RAP1GDS1: variants seen among roughly 807,000 people sequenced by gnomAD.
RAP1GDS1 encodes the protein RAP1, GTP-GDP dissociation stimulator 1.
A neutral mutation model predicts 71.1 loss-of-function variants in RAP1GDS1; 35 were observed. The observed-to-expected ratio is 0.49, with a 90% CI of 0.38 to 0.65. The LOEUF (loss-of-function observed/expected upper bound fraction) is 0.65, where lower values mean the gene tolerates loss of function less well. Ranked by LOEUF, RAP1GDS1 falls within the 30% of genes least tolerant of loss-of-function variation. RAP1GDS1 has a pLI of 0.00. For synonymous variants in RAP1GDS1, 229 were observed against 243.1 expected (o/e 0.94, Z 0.54); for missense variants, 663 against 706.1 (o/e 0.94, Z 0.69).
At chr4:98,320,468 C>T (rs970934091) in intron 2 of RAP1GDS1, among the ~76,000 whole-genome samples, 4 of 152,186 alleles carry the variant, frequency 2.6e-5, no homozygotes, top group Non-Finnish European at 2.9e-5. Context: ...GGAACAGCTC[C>T]GGTCTACAGC....
At chr4:98,349,381 A>T (rs1736797037) in intron 3 of RAP1GDS1, among the ~76,000 whole-genome samples, 2 of 152,226 alleles carry the variant, frequency 1.3e-5, no homozygotes, top group Non-Finnish European at 2.9e-5. Context: ...CTTGTAGTAT[A>T]GTTTGAAGTC....
chr4:98,407,959 G>A lies in RAP1GDS1; in HGVS notation c.763+3357G>A, dbSNP rs562843275. 7.2e-5 allele frequency among the ~76,000 whole-genome samples: 11 copies of A among 152,170 alleles called. No homozygotes were observed. The South Asian group carries it at 1.0e-3, about 14-fold the overall frequency. ...AAAAGACAGTGGAATTGGTAAACCC[G>A]TAGTGAGATTAATGATGAAAAGAGA... On this transcript the variant is annotated intron_variant, in intron 7 of 14. Coordinates refer to ENST00000408927, the MANE Select transcript of RAP1GDS1 (RefSeq NM_001100427.2).
intron 7 of RAP1GDS1, chr4:98,409,380 C>G (rs963163513): frequency 3.3e-5 from 5 of 153,434 alleles, no homozygotes; most frequent in Non-Finnish European, 7.3e-5. Flanking sequence ...CACATACATT[C>G]AAATCTACAG....
In RAP1GDS1 at chr4:98,381,295, C is replaced by T. The variant is rs538546664; in HGVS notation, c.508+2132C>T. Among the ~76,000 whole-genome samples the T allele has an allele frequency of 1.2e-3, 177 of 151,522 alleles. 1 individual carries two copies. The South Asian group carries it at 0.018, about 15-fold the overall frequency. On this transcript the variant is annotated intron_variant, in intron 5 of 14. Transcript: ENST00000408927. ...CTTGAGTATTTTTAAGAAACAAATG[C>T]GAAACTTGTAACTATCATCATCTTT...
chr4:98,385,619 T>A (rs530193118), intron 5 of RAP1GDS1, among the ~76,000 whole-genome samples: 103 of 152,058 alleles, frequency 6.8e-4, no homozygotes, highest in African/African-American at 2.4e-3. Context: ...ATCCAGTTAA[T>A]ACTGTACTGC....
chr4:98,308,156 ATG>A (rs1009990837), intron 2 of RAP1GDS1, among the ~76,000 whole-genome samples: 32 of 148,848 alleles, frequency 2.1e-4, no homozygotes, highest in Admixed American at 2.7e-4. Flanking sequence ...GTGTGTATAT[ATG>A]TGTGTGTGTG....
At chr4:98,311,427 T>A (rs1730208371) in intron 2 of RAP1GDS1, among the ~76,000 whole-genome samples, 1 of 152,176 alleles carries the variant, frequency 6.6e-6, no homozygotes, top group South Asian at 2.1e-4. Context: ...AAGTAAGACC[T>A]AGTTTGTCAT....
chr4:98,336,308 TG>T (rs1311890225), intron 2 of RAP1GDS1, among the ~76,000 whole-genome samples: 1 of 152,192 alleles, frequency 6.6e-6, no homozygotes, highest in Non-Finnish European at 1.5e-5. Context: ...TTTTTAACCA[TG>T]TAACTCTTAA....
chr4:98,371,644 T>G (rs1054197313), intron 4 of RAP1GDS1, among the ~76,000 whole-genome samples: 1 of 151,806 alleles, frequency 6.6e-6, no homozygotes, highest in Non-Finnish European at 1.5e-5. Context: ...GCCTGGCTAG[T>G]TTTTGTATTT....
chr4:98,349,898 G>A (rs952573087), intron 3 of RAP1GDS1, among the ~76,000 whole-genome samples: 6 of 151,784 alleles, frequency 4.0e-5, no homozygotes, highest in Non-Finnish European at 8.8e-5. Context: ...ATTAGCTAGC[G>A]AGGACTACCA....
intron 2 of RAP1GDS1, among the ~76,000 whole-genome samples, chr4:98,333,809 A>G (rs532899389): frequency 6.6e-6 from 1 of 152,248 alleles, no homozygotes; most frequent in African/African-American, 2.4e-5. Context: ...AGAAACTAAA[A>G]TATATTGGTA....
In RAP1GDS1 at chr4:98,418,781, G is replaced by A; in HGVS notation, c.1164G>A (p.Leu388=). The part of the protein sequence containing the change: ...QHAALSALRN[L]AIPVINKAKM... Reference sequence around the variant, plus strand: ...CAGCACTAAGTGCCCTCAGAAACCTGGCCATTCCAGGTAAGACTTAAGAAT... The same window carrying A: ...CAGCACTAAGTGCCCTCAGAAACCTAGCCATTCCAGGTAAGACTTAAGAAT... Residue 388 remains leucine (L), a synonymous_variant, in exon 10 of 15, where the codon CTG becomes CTA. Coordinates refer to ENST00000408927, the MANE Select transcript of RAP1GDS1 (RefSeq NM_001100427.2). 1 of 1,589,300 alleles carries A rather than the reference G, an allele frequency of 6.3e-7. No homozygotes were observed. Among genetic ancestry groups the A allele is most frequent in the Non-Finnish European group, 8.5e-7 (1 of 1,170,640 alleles).
chr4:98,330,915 C>T (rs994464285), intron 2 of RAP1GDS1, among the ~76,000 whole-genome samples: 2 of 152,232 alleles, frequency 1.3e-5, no homozygotes, highest in South Asian at 4.1e-4. Context: ...GCAGAGGCTG[C>T]AATCTCAGCA....
intron 6 of RAP1GDS1, among the ~76,000 whole-genome samples, chr4:98,394,842 A>G (rs536011373): frequency 6.6e-6 from 1 of 152,296 alleles, no homozygotes; most frequent in South Asian, 2.1e-4. Flanking sequence ...AGTGCCTTGC[A>G]TAAACCCAGA....
intron 2 of RAP1GDS1, among the ~76,000 whole-genome samples, chr4:98,341,363 G>A (rs1231310612): frequency 6.6e-6 from 1 of 152,228 alleles, no homozygotes; most frequent in East Asian, 1.9e-4. Context: ...TGTGGAAAGT[G>A]TCATTGGAGT....
At chr4:98,331,591 C>T (rs1171845526) in intron 2 of RAP1GDS1, among the ~76,000 whole-genome samples, 2 of 152,044 alleles carry the variant, frequency 1.3e-5, no homozygotes, top group African/African-American at 4.8e-5. Flanking sequence ...AATTTTGGAA[C>T]ATTCATTATC....
At chr4:98,373,688 C>G (rs1404627023) in intron 4 of RAP1GDS1, among the ~76,000 whole-genome samples, 2 of 152,162 alleles carry the variant, frequency 1.3e-5, no homozygotes, top group East Asian at 3.8e-4. Context: ...TAGTACCAAA[C>G]CTGTATATAT....
chr4:98,282,520 C>T (rs1177815786), intron 1 of RAP1GDS1, among the ~76,000 whole-genome samples: 1 of 150,556 alleles, frequency 6.6e-6, no homozygotes, highest in Non-Finnish European at 1.5e-5. Context: ...ATTAGTCTTG[C>T]TAGCGGTCTA....
intron 4 of RAP1GDS1, among the ~76,000 whole-genome samples, chr4:98,364,071 T>C (rs1739139629): frequency 6.6e-6 from 1 of 152,162 alleles, no homozygotes; most frequent in Non-Finnish European, 1.5e-5. Context: ...CTGCAGGCAT[T>C]ATTAAGTCTG....
Sources: allele counts gnomAD v4.1 joint callset (sites outside exome capture counted in the v4.1 genomes callset), GRCh38; gene constraint gnomAD v4.1.1; transcripts MANE v1.5; gene names NCBI Gene and HGNC (gene_info 2026-07-23, HGNC 2026-07-21).